The following SLC24A3 variants were observed in gnomAD, a reference collection of about 807,000 sequenced individuals.
SLC24A3 encodes solute carrier family 24 member 3.
Under a neutral mutation model 75.8 loss-of-function variants are expected in SLC24A3, and 28 were observed. The observed-to-expected ratio is 0.37, with a 90% confidence interval of 0.27 to 0.51. The LOEUF is 0.51. Among genes scored for constraint, SLC24A3 ranks in the 20% least tolerant of loss-of-function variants. The probability of loss-of-function intolerance (pLI) is 0.94; values close to 1 mark genes in which losing one functional copy is unlikely to be tolerated. For missense variants in SLC24A3, 663 were observed against 847.8 expected (o/e 0.78, Z 2.71); for synonymous variants, 372 against 334.1 (o/e 1.11, Z -1.24).
At chr20:19,346,276 A>G (rs184129797) in intron 2 of SLC24A3, among the ~76,000 whole-genome samples, 4 of 117,922 alleles carry the variant, frequency 3.4e-5, no homozygotes, top group African/African-American at 3.8e-5. Context: ...TATATGGTGT[A>G]TATATATATG....
chr20:19,431,395 G>A (rs903380437), intron 2 of SLC24A3, among the ~76,000 whole-genome samples: 1 of 152,130 alleles, frequency 6.6e-6, no homozygotes, highest in Non-Finnish European at 1.5e-5. Context: ...TCCACGTGTG[G>A]ATGGCTGTGC....
At chr20:19,366,222 T>C (rs981930096) in intron 2 of SLC24A3, among the ~76,000 whole-genome samples, 1 of 152,204 alleles carries the variant, frequency 6.6e-6, no homozygotes, top group African/African-American at 2.4e-5. Context: ...TGGTGAAGAT[T>C]CACTTCTGTA....
At chr20:19,684,966 C>A in intron 11 of SLC24A3, 134 bp from the exon 12 acceptor site, 2 of 1,157,100 alleles carry the variant, frequency 1.7e-6, no homozygotes, top group Non-Finnish European at 2.4e-6. Flanking sequence ...TGAGAGGCCC[C>A]TTAAAACTTG....
chr20:19,358,275 G>A (rs1285253413), intron 2 of SLC24A3, among the ~76,000 whole-genome samples: 3 of 152,164 alleles, frequency 2.0e-5, no homozygotes, highest in Non-Finnish European at 4.4e-5. Flanking sequence ...CAGCTGCGGA[G>A]GGCAGGCCCC....
intron 2 of SLC24A3, among the ~76,000 whole-genome samples, chr20:19,390,768 T>A (rs1986352277): frequency 6.6e-6 from 1 of 151,816 alleles, no homozygotes; most frequent in Non-Finnish European, 1.5e-5. Context: ...GGAGGCTGCA[T>A]CTACAGGTAT....
At chr20:19,484,457 G>A (rs1243772782) in intron 2 of SLC24A3, among the ~76,000 whole-genome samples, 1 of 152,094 alleles carries the variant, frequency 6.6e-6, no homozygotes. Context: ...TCAGATTTTT[G>A]GATTAAGGAT....
At chr20:19,666,018 T>C in intron 8 of SLC24A3, 129 bp downstream of exon 8, 1 of 1,037,930 alleles carries the variant, frequency 9.6e-7, no homozygotes, top group Non-Finnish European at 1.4e-6. Flanking sequence ...GAGAATTTCC[T>C]AGGAACCCTC....
chr20:19,561,431 C>A (rs986895363), intron 3 of SLC24A3, among the ~76,000 whole-genome samples: 3 of 152,080 alleles, frequency 2.0e-5, no homozygotes, highest in Non-Finnish European at 4.4e-5. Flanking sequence ...TTTGGATGGG[C>A]AAAAGCTCTT....
chr20:19,635,479 C>T (rs907070456), intron 6 of SLC24A3, among the ~76,000 whole-genome samples: 1 of 152,186 alleles, frequency 6.6e-6, no homozygotes, highest in African/African-American at 2.4e-5. Context: ...GTATCTATTG[C>T]TGTGTAACTA....
chr20:19,686,919 A>G (rs1045457689), intron 12 of SLC24A3, among the ~76,000 whole-genome samples: 12 of 152,216 alleles, frequency 7.9e-5, no homozygotes, highest in Non-Finnish European at 2.9e-5. Context: ...ACCATCAGAT[A>G]TATTTCTTGG....
At chr20:19,613,782 T>C (rs1353444255) in intron 6 of SLC24A3, among the ~76,000 whole-genome samples, 1 of 152,150 alleles carries the variant, frequency 6.6e-6, no homozygotes, top group Non-Finnish European at 1.5e-5. Context: ...CCCCATCACA[T>C]GAAAAACCTT....
intron 1 of SLC24A3, among the ~76,000 whole-genome samples, chr20:19,252,959 T>C (rs1415709229): frequency 6.6e-6 from 1 of 152,182 alleles, no homozygotes; most frequent in East Asian, 1.9e-4. Context: ...ATTTATATAA[T>C]TATGCAATGG....
At chr20:19,305,140 C>T (rs747180708) in intron 2 of SLC24A3, among the ~76,000 whole-genome samples, 6 of 152,008 alleles carry the variant, frequency 3.9e-5, no homozygotes, top group African/African-American at 1.5e-4. Context: ...TTGGATGTGT[C>T]CATTCTTTCT....
chr20:19,710,166 C>T (rs1158880168), intron 15 of SLC24A3, among the ~76,000 whole-genome samples: 3 of 152,068 alleles, frequency 2.0e-5, no homozygotes, highest in African/African-American at 4.8e-5. Flanking sequence ...AGCAAAAATC[C>T]AGGGGCTTCT....
intron 2 of SLC24A3, among the ~76,000 whole-genome samples, chr20:19,430,876 A>T (rs920702266): frequency 6.6e-6 from 1 of 152,148 alleles, no homozygotes; most frequent in African/African-American, 2.4e-5. Context: ...ACATACGCAG[A>T]CACGGTCACA....
At chr20:19,560,497 G>A (rs551196977) in intron 3 of SLC24A3, among the ~76,000 whole-genome samples, 1 of 152,318 alleles carries the variant, frequency 6.6e-6, no homozygotes, top group Non-Finnish European at 1.5e-5. Context: ...GTCATGGGTA[G>A]GAAACTGCCA....
intron 6 of SLC24A3, among the ~76,000 whole-genome samples, chr20:19,594,638 G>A (rs140858709): frequency 2.8e-4 from 43 of 152,348 alleles, no homozygotes; most frequent in Non-Finnish European, 3.5e-4. Context: ...AGCAGGCTTC[G>A]AGATGTTAAA....
In SLC24A3 at chr20:19,318,237, C is replaced by G. The variant is rs59315604; in HGVS notation, c.271+37150C>G. Among the ~76,000 whole-genome samples the G allele has an allele frequency of 1.1e-3, 169 of 152,346 alleles. 2 individuals are homozygous for G. In the East Asian group the frequency reaches 0.03, roughly 27 times the overall value. ...AACACAAGCTTTATGGGCAGCCTTT[C>G]CCCCTCTCTCTATTCCTTCTTCCTC... On this transcript the variant is annotated intron_variant, in intron 2 of 16. Transcript: ENST00000328041.
intron 6 of SLC24A3, among the ~76,000 whole-genome samples, chr20:19,643,328 C>T (rs1249903596): frequency 1.3e-5 from 2 of 152,158 alleles, no homozygotes; most frequent in Non-Finnish European, 2.9e-5. Flanking sequence ...TTGCCAAACA[C>T]CAGGTAGAAA....
Sources: gnomAD v4.1 joint callset for allele counts (sites outside exome capture counted in the v4.1 genomes callset) on GRCh38, gnomAD v4.1.1 for gene constraint, MANE v1.5 for transcripts, NCBI Gene and HGNC (gene_info 2026-07-23, HGNC 2026-07-21) for gene names.